SP140L: variants seen among roughly 807,000 people sequenced by gnomAD.
SP140L encodes the protein nuclear body protein SP140-like protein.
SP140L carries 64 observed loss-of-function variants against 84.3 expected under a neutral mutation model. The ratio of observed to expected loss-of-function variants is 0.76; its 90% CI spans 0.62 to 0.94. The LOEUF is 0.94. SP140L is among the 40% of genes least tolerant of loss of function. The pLI, the probability that SP140L is intolerant of heterozygous loss-of-function variation, is 0.00. For missense variants in SP140L, 628 were observed against 692.5 expected (o/e 0.91, Z 1.05); for synonymous variants, 242 against 236.9 (o/e 1.02, Z -0.20).
At chr2:230,362,409 C>A (rs1330590369) in intron 5 of SP140L, among the ~76,000 whole-genome samples, 1 of 151,734 alleles carries the variant, frequency 6.6e-6, no homozygotes, top group Non-Finnish European at 1.5e-5. Flanking sequence ...GAAGAGGGGA[C>A]CCATTTAAAT....
chr2:230,400,653 C>T, intron 15 of SP140L: 1 of 576,094 alleles, frequency 1.7e-6, no homozygotes, highest in Non-Finnish European at 3.0e-6. Context: ...AGCCCAGTTT[C>T]TGACACACAG....
chr2:230,387,792 A>G (rs2149802235), intron 9 of SP140L, among the ~76,000 whole-genome samples: 1 of 152,320 alleles, frequency 6.6e-6, no homozygotes, highest in Non-Finnish European at 1.5e-5. Flanking sequence ...TGCCATGTCA[A>G]TCCTTAATTA....
At chr2:230,379,929 T>C (rs778789387) in intron 7 of SP140L, among the ~76,000 whole-genome samples, 3 of 152,226 alleles carry the variant, frequency 2.0e-5, no homozygotes, top group Non-Finnish European at 4.4e-5. Context: ...TTGGGAGAAT[T>C]GTATACTAAA....
chr2:230,393,483 A>G (rs978606700), intron 13 of SP140L, 22 bp downstream of exon 13: 10 of 1,554,460 alleles, frequency 6.4e-6, no homozygotes, highest in South Asian at 1.2e-5. Flanking sequence ...ATAATTTTCT[A>G]CAGATTCTTG....
chr2:230,327,985 T>C (rs2059625877), intron 1 of SP140L, among the ~76,000 whole-genome samples: 1 of 152,258 alleles, frequency 6.6e-6, no homozygotes, highest in Non-Finnish European at 1.5e-5. Context: ...GGGATGCCTC[T>C]GACCAGAAAA....
chr2:230,335,399 C>T (rs541673313), intron 2 of SP140L, among the ~76,000 whole-genome samples: 2 of 152,304 alleles, frequency 1.3e-5, no homozygotes, highest in Admixed American at 6.5e-5. Flanking sequence ...AGTGTTTTCA[C>T]TGGAGTTTCT....
At chr2:230,346,282 A>G (rs1395134829) in intron 2 of SP140L, among the ~76,000 whole-genome samples, 1 of 152,010 alleles carries the variant, frequency 6.6e-6, no homozygotes, top group African/African-American at 2.4e-5. Context: ...ATTTTTTGTG[A>G]TAAGTTATGC....
At chr2:230,387,949 CAAGGGTACA>C (rs2061654158) in intron 9 of SP140L, among the ~76,000 whole-genome samples, 3 of 152,134 alleles carry the variant, frequency 2.0e-5, no homozygotes, top group African/African-American at 7.2e-5. Context: ...ACTTTCAGCA[CAAGGGTACA>C]AATATCTTCC....
chr2:230,371,734 G>A (rs879040920), intron 7 of SP140L, 83 bp downstream of exon 7: 3 of 1,275,448 alleles, frequency 2.4e-6, no homozygotes, highest in South Asian at 2.6e-5. Context: ...CATTGTTACT[G>A]TTTCTGTTAT....
At chr2:230,362,468 T>C (rs1264896023) in intron 5 of SP140L, among the ~76,000 whole-genome samples, 1 of 151,914 alleles carries the variant, frequency 6.6e-6, no homozygotes, top group Non-Finnish European at 1.5e-5. Context: ...AATGCACTCA[T>C]GTAGAGAGAC....
At chr2:230,390,131 G>C (rs1213140233) in intron 11 of SP140L, 108 bp downstream of exon 11, 1 of 1,007,326 alleles carries the variant, frequency 9.9e-7, no homozygotes, top group African/African-American at 1.6e-5. Flanking sequence ...TTTGGGCCCA[G>C]TTTAGCTTGA....
At chr2:230,336,615 C>T (rs1328315390) in intron 2 of SP140L, among the ~76,000 whole-genome samples, 1 of 152,212 alleles carries the variant, frequency 6.6e-6, no homozygotes, top group African/African-American at 2.4e-5. Context: ...CTTCATTACA[C>T]ATCTACTTAA....
chr2:230,353,072 A>G (rs565845825), intron 2 of SP140L, among the ~76,000 whole-genome samples: 1 of 152,198 alleles, frequency 6.6e-6, no homozygotes, highest in Admixed American at 6.5e-5. Flanking sequence ...ATATTTAAAT[A>G]CTTCTCCTTT....
intron 7 of SP140L, among the ~76,000 whole-genome samples, chr2:230,383,120 T>C (rs1483522017): frequency 6.6e-6 from 1 of 152,240 alleles, no homozygotes; most frequent in East Asian, 1.9e-4. Flanking sequence ...CAATTTCCAG[T>C]ACAGAATATT....
chr2:230,334,145 A>G (rs950283268), intron 2 of SP140L, among the ~76,000 whole-genome samples: 2 of 152,146 alleles, frequency 1.3e-5, no homozygotes, highest in South Asian at 2.1e-4. Context: ...CGTTGACTGT[A>G]CCCCATTTTG....
intron 13 of SP140L, among the ~76,000 whole-genome samples, chr2:230,395,162 G>T (rs2061995224): frequency 6.6e-6 from 1 of 152,064 alleles, no homozygotes; most frequent in South Asian, 2.1e-4. Context: ...TAGAGACAGG[G>T]TTTTGCCATG....
At chr2:230,383,234 C>G (rs190807989) in intron 7 of SP140L, among the ~76,000 whole-genome samples, 57 of 152,266 alleles carry the variant, frequency 3.7e-4, no homozygotes, top group African/African-American at 1.3e-3. Context: ...TTATCATTCA[C>G]TTTAAGGTGC....
At chr2:230,367,963 A>C (rs1174447225) in intron 5 of SP140L, among the ~76,000 whole-genome samples, 1 of 152,202 alleles carries the variant, frequency 6.6e-6, no homozygotes, top group Non-Finnish European at 1.5e-5. Flanking sequence ...TATTATTTTT[A>C]AGTTTTGTCT....
At chr2:230,400,030 C>A in intron 14 of SP140L, 97 bp from the exon 15 acceptor site, 2 of 1,288,474 alleles carry the variant, frequency 1.6e-6, no homozygotes, top group Non-Finnish European at 2.2e-6. Flanking sequence ...CCTGTCTATA[C>A]AGGCTCACAC....
Sources: allele counts gnomAD v4.1 joint callset (sites outside exome capture counted in the v4.1 genomes callset), GRCh38; gene constraint gnomAD v4.1.1; transcripts MANE v1.5; gene names NCBI Gene and HGNC (gene_info 2026-07-23, HGNC 2026-07-21).